Variants in FGF12 observed in about 807,000 individuals in gnomAD.
The protein encoded by FGF12 is fibroblast growth factor 12, also known as fibroblast growth factor 12B.
A neutral mutation model predicts 23.6 loss-of-function variants in FGF12; 14 were observed. The observed-to-expected ratio is 0.59, with a 90% CI of 0.39 to 0.93. FGF12 has a LOEUF of 0.93. FGF12 is among the 40% of genes least tolerant of loss of function. The probability of loss-of-function intolerance (pLI) is 0.00; values close to 1 mark genes in which losing one functional copy is unlikely to be tolerated. For synonymous variants in FGF12, 62 were observed against 77.3 expected, an observed-to-expected ratio of 0.80 and a Z score of 1.04; for missense variants, 175 against 217.8, an observed-to-expected ratio of 0.80 and a Z score of 1.24.
At chr3:192,548,320 A>G (rs1323250542) in intron 2 of FGF12, among the ~76,000 whole-genome samples, 1 of 152,202 alleles carries the variant, frequency 6.6e-6, no homozygotes, top group Non-Finnish European at 1.5e-5. Context: ...AACACGAATC[A>G]GAAATATTTC....
chr3:192,207,639 G>GAA (rs1010000131), intron 4 of FGF12, among the ~76,000 whole-genome samples: 1 of 152,194 alleles, frequency 6.6e-6, no homozygotes. Context: ...GCCAAAATGT[G>GAA]AAGGGTCATC....
chr3:192,354,826 C>T (rs975555451), intron 3 of FGF12, among the ~76,000 whole-genome samples: 1 of 152,194 alleles, frequency 6.6e-6, no homozygotes, highest in Non-Finnish European at 1.5e-5. Flanking sequence ...GTGCCTCAGG[C>T]TTCCGAGTAG....
At chr3:192,522,155 G>A (rs938460284) in intron 2 of FGF12, among the ~76,000 whole-genome samples, 2 of 147,918 alleles carry the variant, frequency 1.4e-5, no homozygotes, top group East Asian at 2.1e-4. Context: ...CCGAGATCGC[G>A]CCACTGCACT....
intron 4 of FGF12, among the ~76,000 whole-genome samples, chr3:192,193,223 T>A (rs1237916194): frequency 6.6e-6 from 1 of 152,236 alleles, no homozygotes; most frequent in African/African-American, 2.4e-5. Flanking sequence ...TTGCTCTAGA[T>A]CTGTTCTGGA....
chr3:192,630,960 T>A (rs1429237428), intron 2 of FGF12, among the ~76,000 whole-genome samples: 1 of 152,092 alleles, frequency 6.6e-6, no homozygotes, highest in Admixed American at 6.6e-5. Flanking sequence ...ATGTTTCACA[T>A]CTGCAGGCAC....
chr3:192,471,911 T>C (rs1397435757), intron 2 of FGF12, among the ~76,000 whole-genome samples: 1 of 152,210 alleles, frequency 6.6e-6, no homozygotes, highest in South Asian at 2.1e-4. Context: ...TGTAAGCAAC[T>C]GCAACAGAAG....
chr3:192,725,493 G>C (rs187759504), intron 2 of FGF12, among the ~76,000 whole-genome samples: 53 of 152,246 alleles, frequency 3.5e-4, no homozygotes, highest in African/African-American at 1.2e-3. Context: ...TGAAAGAACA[G>C]CTAGAACTCT....
Position 192,360,821 on chromosome 3 carries a change from T to G in FGF12, c.14-283A>C, listed in dbSNP as rs1302799156. ...CTAAAAAGTGAGTTATTTTCCTCCTTTGTGCATCTGGTGTCTGACTGCAAG... is the reference window on the plus strand; with the variant it reads ...CTAAAAAGTGAGTTATTTTCCTCCTGTGTGCATCTGGTGTCTGACTGCAAG... On this transcript the variant is annotated intron_variant, in intron 2 of 5. Transcript: ENST00000445105. This position sits in a 1 kb window ranked among gnomAD's most constrained non-coding sequence, Gnocchi z 4.3. The G allele has an allele frequency of 2.5e-6, 1 of 402,284 alleles. No homozygotes were observed. The highest frequency in any genetic ancestry group is 5.1e-5 in the East Asian group (1 of 19,420). The allele number at this position is 402,284 out of a possible 1,614,324, so 24.9% of individuals were successfully genotyped here.
At chr3:192,276,758 CA>C (rs1713815447) in intron 4 of FGF12, among the ~76,000 whole-genome samples, 1 of 152,040 alleles carries the variant, frequency 6.6e-6, no homozygotes, top group Admixed American at 6.6e-5. Flanking sequence ...CCTTTCTGTA[CA>C]AAAATTGGCT....
rs774298359 is a variant in FGF12 at position 192,143,964 on chromosome 3, G to A, written c.*45C>T. ...AAGGAAATGGGTAAATGGGAAGGAA[G>A]GGAAGGGGAAGGGATGAGAGAGGGA... On this transcript the variant is annotated 3_prime_UTR_variant, in exon 6 of 6. Transcript: ENST00000445105. 8.5e-7 allele frequency: 1 copy of A among 1,169,748 alleles called. No homozygotes were observed. The highest frequency in any genetic ancestry group is 2.4e-5 in the East Asian group (1 of 41,844). 72.5% of individuals were successfully genotyped at this position (1,169,748 alleles called of 1,614,324 possible). A position where few individuals can be genotyped will look rare whatever the true frequency, so the allele number is the denominator to read the frequency against.
chr3:192,422,248 C>G (rs185282692), intron 2 of FGF12, among the ~76,000 whole-genome samples: 1 of 152,074 alleles, frequency 6.6e-6, no homozygotes, highest in African/African-American at 2.4e-5. Flanking sequence ...TTACTCAGTA[C>G]GGAACTTTGA....
At chr3:192,213,488 G>A (rs559222805) in intron 4 of FGF12, among the ~76,000 whole-genome samples, 24 of 151,818 alleles carry the variant, frequency 1.6e-4, no homozygotes, top group African/African-American at 4.1e-4. Flanking sequence ...CATTTCATTC[G>A]CACAGCCATT....
intron 2 of FGF12, among the ~76,000 whole-genome samples, chr3:192,445,504 T>C (rs975407199): frequency 6.6e-6 from 1 of 152,228 alleles, no homozygotes; most frequent in Non-Finnish European, 1.5e-5. Context: ...CAATTTATTC[T>C]AGAAAATTCA....
intron 2 of FGF12, among the ~76,000 whole-genome samples, chr3:192,576,494 T>G (rs1712892591): frequency 6.6e-6 from 1 of 152,186 alleles, no homozygotes; most frequent in Non-Finnish European, 1.5e-5. Flanking sequence ...AAGTATTGTG[T>G]GACTTAAAGT....
At chr3:192,496,144 C>T (rs1723949263) in intron 2 of FGF12, among the ~76,000 whole-genome samples, 1 of 152,158 alleles carries the variant, frequency 6.6e-6, no homozygotes, top group Non-Finnish European at 1.5e-5. Context: ...AAATTCAAAA[C>T]CAAGAAAAGC....
intron 4 of FGF12, among the ~76,000 whole-genome samples, chr3:192,209,371 T>C (rs1359823936): frequency 6.6e-6 from 1 of 152,186 alleles, no homozygotes; most frequent in Non-Finnish European, 1.5e-5. Context: ...GGGTTCCTAG[T>C]GTCCTCTGGG....
chr3:192,697,809 G>A (rs144587330), intron 2 of FGF12, among the ~76,000 whole-genome samples: 1 of 152,162 alleles, frequency 6.6e-6, no homozygotes, highest in African/African-American at 2.4e-5. Flanking sequence ...TGCATTTGCT[G>A]TTCCCTCCAT....
At chr3:192,150,631 T>C (rs929148043) in intron 5 of FGF12, among the ~76,000 whole-genome samples, 6 of 149,642 alleles carry the variant, frequency 4.0e-5, no homozygotes, top group Admixed American at 1.3e-4. Flanking sequence ...GTTGTAGGTA[T>C]GCGGCATTAT....
intron 2 of FGF12, among the ~76,000 whole-genome samples, chr3:192,621,063 C>T (rs1174450144): frequency 5.9e-5 from 9 of 152,118 alleles, no homozygotes. Context: ...ATCTCCTCCC[C>T]TCAACCTTAC....
Sources: gnomAD v4.1 joint callset for allele counts (sites outside exome capture counted in the v4.1 genomes callset) on GRCh38, gnomAD v4.1.1 for gene constraint, Gnocchi (gnomAD v3.1) non-coding constraint, MANE v1.5 for transcripts, NCBI Gene and HGNC (gene_info 2026-07-23, HGNC 2026-07-21) for gene names.